Variants in SERGEF observed in about 807,000 individuals in gnomAD.
SERGEF encodes secretion regulating guanine nucleotide exchange factor.
A neutral mutation model predicts 50.0 loss-of-function variants in SERGEF; 51 were observed. The observed-to-expected ratio is 1.02, with a 90% CI of 0.81 to 1.29. The LOEUF is 1.29. Among genes scored for constraint, SERGEF ranks in the 50% most tolerant of loss-of-function variants. SERGEF has a pLI of 0.00. For missense variants in SERGEF, 521 were observed against 557.0 expected (o/e 0.94, Z 0.65); for synonymous variants, 205 against 212.4 (o/e 0.97, Z 0.30).
intron 9 of SERGEF, 123 bp from the exon 10 acceptor site, chr11:17,878,367 A>G (rs1851277765): frequency 4.5e-6 from 3 of 668,424 alleles, no homozygotes; most frequent in Non-Finnish European, 7.8e-6. Flanking sequence ...GGAAATAGAA[A>G]GAAGCATCAC....
chr11:17,954,610 G>A (rs1852829476), intron 9 of SERGEF, among the ~76,000 whole-genome samples: 1 of 152,196 alleles, frequency 6.6e-6, no homozygotes, highest in Non-Finnish European at 1.5e-5. Flanking sequence ...GAGAGCTGAT[G>A]GCATTTGGGC....
chr11:17,891,276 T>C (rs1851528501), intron 9 of SERGEF, among the ~76,000 whole-genome samples: 1 of 152,200 alleles, frequency 6.6e-6, no homozygotes, highest in Non-Finnish European at 1.5e-5. Context: ...TGGCAAGACC[T>C]GACTAAAAAG....
At position 17,966,500 on chromosome 11, in the gene SERGEF, C is replaced by A. The variant is rs188275248; in HGVS notation, c.845-6864G>T. The stretch of plus-strand genomic sequence containing the variant: ...CCTGATCTACATTTTAATTATGATG[C>A]CTAAAAATCTTCAGTATTAAAATGA... On this transcript the variant is annotated intron_variant, in intron 8 of 10. Coordinates refer to ENST00000265965, the MANE Select transcript of SERGEF (RefSeq NM_012139.4). 6.6e-5 allele frequency among the ~76,000 whole-genome samples: 10 copies of A among 152,238 alleles called. No individual in the cohort carries two copies. The South Asian group carries it at 2.1e-3, about 32-fold the overall frequency.
At chr11:17,981,157 T>C (rs1853488841) in intron 8 of SERGEF, among the ~76,000 whole-genome samples, 1 of 152,258 alleles carries the variant, frequency 6.6e-6, no homozygotes, top group Non-Finnish European at 1.5e-5. Flanking sequence ...GGCCACAATC[T>C]TTTTATTCTT....
intron 10 of SERGEF, among the ~76,000 whole-genome samples, chr11:17,819,361 C>T (rs1213937190): frequency 1.3e-5 from 2 of 152,220 alleles, no homozygotes; most frequent in Non-Finnish European, 2.9e-5. Context: ...TTGCTCTGCT[C>T]AGCAAGAGAG....
chr11:17,932,637 T>C (rs1345507387), intron 9 of SERGEF, among the ~76,000 whole-genome samples: 2 of 151,848 alleles, frequency 1.3e-5, no homozygotes, highest in Non-Finnish European at 2.9e-5. Flanking sequence ...TGAAGGAATA[T>C]TGAAACATTT....
intron 1 of SERGEF, among the ~76,000 whole-genome samples, chr11:18,008,508 G>C (rs192966238): frequency 2.6e-4 from 39 of 152,348 alleles, no homozygotes; most frequent in Non-Finnish European, 5.3e-4. Context: ...AGAAGGCAAA[G>C]CAGCAATGCT....
At chr11:17,869,178 G>A (rs952258967) in intron 10 of SERGEF, among the ~76,000 whole-genome samples, 8 of 152,092 alleles carry the variant, frequency 5.3e-5, no homozygotes, top group African/African-American at 1.9e-4. Context: ...AGGATTCCCT[G>A]ACTCAAAATC....
chr11:17,846,209 A>C (rs966660908), intron 10 of SERGEF, among the ~76,000 whole-genome samples: 1 of 152,214 alleles, frequency 6.6e-6, no homozygotes, highest in African/African-American at 2.4e-5. Flanking sequence ...CGTGCTGTGC[A>C]TAATGAATCA....
At chr11:17,842,074 A>C (rs556220649) in intron 10 of SERGEF, among the ~76,000 whole-genome samples, 1 of 151,834 alleles carries the variant, frequency 6.6e-6, no homozygotes, top group African/African-American at 2.4e-5. Context: ...TGACTGGTGC[A>C]ATTTTTTTTT....
chr11:17,789,607 T>C (rs1175193586), intron 10 of SERGEF, among the ~76,000 whole-genome samples: 1 of 152,064 alleles, frequency 6.6e-6, no homozygotes, highest in East Asian at 1.9e-4. Flanking sequence ...AAATAATACA[T>C]CTTCATGACA....
In SERGEF at chr11:18,003,307, T is replaced by C. The variant is rs1854002689; in HGVS notation, c.447+1134A>G. 5.3e-5 allele frequency among the ~76,000 whole-genome samples: 8 copies of C among 152,318 alleles called. No homozygotes were observed. In the South Asian group the frequency reaches 1.7e-3, roughly 32 times the overall value. Reference sequence around the variant, plus strand: ...ATTCCTATTATGATCACTTACAATATAAACTTCACAAAAAGGGGTGATTTT... The same window carrying C: ...ATTCCTATTATGATCACTTACAATACAAACTTCACAAAAAGGGGTGATTTT... On this transcript the variant is annotated intron_variant, in intron 4 of 10. Transcript: ENST00000265965.
At chr11:17,962,673 T>C (rs1460422358) in intron 8 of SERGEF, among the ~76,000 whole-genome samples, 1 of 152,002 alleles carries the variant, frequency 6.6e-6, no homozygotes, top group Non-Finnish European at 1.5e-5. Context: ...AGCCAAGAAG[T>C]ATAGACTGCA....
In SERGEF at chr11:17,838,840, G is replaced by A. The variant is rs146910252; in HGVS notation, c.1048+39368C>T. Among the ~76,000 whole-genome samples, 4 of 152,292 alleles carry A rather than the reference G, an allele frequency of 2.6e-5. No individual in the cohort carries two copies. The East Asian group carries it at 5.8e-4, about 22-fold the overall frequency. On this transcript the variant is annotated intron_variant, in intron 10 of 10. Coordinates refer to ENST00000265965, the MANE Select transcript of SERGEF (RefSeq NM_012139.4). Reference sequence around the variant, plus strand: ...TTGCACAAGGTCATACAGCTCATGAGTGCCATTGGTGGGATGTAAATGCTG... The same window carrying A: ...TTGCACAAGGTCATACAGCTCATGAATGCCATTGGTGGGATGTAAATGCTG...
chr11:17,971,811 T>C (rs1217349234), intron 8 of SERGEF, among the ~76,000 whole-genome samples: 16 of 152,224 alleles, frequency 1.1e-4, no homozygotes, highest in East Asian at 1.9e-4. Flanking sequence ...CTGATGGATA[T>C]GGGCAAAGTT....
At chr11:17,789,758 T>C (rs746920791) in intron 10 of SERGEF, among the ~76,000 whole-genome samples, 2 of 152,260 alleles carry the variant, frequency 1.3e-5, no homozygotes, top group African/African-American at 2.4e-5. Context: ...TATTTGTATA[T>C]ATGTTTGTCC....
At chr11:17,975,303 A>G (rs1853347841) in intron 8 of SERGEF, among the ~76,000 whole-genome samples, 1 of 152,210 alleles carries the variant, frequency 6.6e-6, no homozygotes, top group African/African-American at 2.4e-5. Flanking sequence ...AATGTTTGTA[A>G]AGCCCTGGTA....
At chr11:17,847,343 T>C (rs1850632899) in intron 10 of SERGEF, among the ~76,000 whole-genome samples, 1 of 151,928 alleles carries the variant, frequency 6.6e-6, no homozygotes, top group Non-Finnish European at 1.5e-5. Context: ...TGGGGTTCCT[T>C]TATTTGGGGG....
intron 10 of SERGEF, among the ~76,000 whole-genome samples, chr11:17,791,760 T>A (rs1018302609): frequency 6.6e-6 from 1 of 152,220 alleles, no homozygotes; most frequent in Non-Finnish European, 1.5e-5. Context: ...AATACCTTAT[T>A]AGAGTTGTTT....
Sources: allele counts gnomAD v4.1 joint callset (sites outside exome capture counted in the v4.1 genomes callset), GRCh38; gene constraint gnomAD v4.1.1; transcripts MANE v1.5; gene names NCBI Gene and HGNC (gene_info 2026-07-23, HGNC 2026-07-21).